The following FBXL13 variants were observed in gnomAD, a reference collection of about 807,000 sequenced individuals.
The protein encoded by FBXL13 is F-box and leucine-rich repeat protein 13.
A neutral mutation model predicts 83.6 loss-of-function variants in FBXL13; 67 were observed. The observed-to-expected ratio is 0.80, with a 90% CI of 0.66 to 0.98. The LOEUF (loss-of-function observed/expected upper bound fraction) is 0.98. Ranked by LOEUF, FBXL13 falls within the 50% of genes least tolerant of loss-of-function variation. The pLI is 0.00. For synonymous variants in FBXL13, 272 were observed against 299.5 expected, an observed-to-expected ratio of 0.91 and a Z score of 0.95; for missense variants, 822 against 866.5, an observed-to-expected ratio of 0.95 and a Z score of 0.64.
intron 17 of FBXL13, among the ~76,000 whole-genome samples, chr7:102,839,385 G>A (rs772896533): frequency 1.3e-5 from 2 of 152,186 alleles, no homozygotes; most frequent in Non-Finnish European, 1.5e-5. Flanking sequence ...TATGCTGAGC[G>A]CCAGTCCCCT....
At chr7:103,033,874 G>C (rs550117183) in intron 2 of FBXL13, among the ~76,000 whole-genome samples, 41 of 152,314 alleles carry the variant, frequency 2.7e-4, no homozygotes, top group African/African-American at 9.1e-4. Flanking sequence ...CAAGTGGTCT[G>C]TTTTGACAGG....
chr7:103,066,205 T>C (rs1315092946), intron 1 of FBXL13, among the ~76,000 whole-genome samples: 2 of 152,220 alleles, frequency 1.3e-5, no homozygotes, highest in African/African-American at 4.8e-5. Context: ...TAAAATTGCA[T>C]TGAATTTATA....
chr7:102,978,923 C>T (rs1239629270), intron 6 of FBXL13, among the ~76,000 whole-genome samples: 1 of 152,142 alleles, frequency 6.6e-6, no homozygotes, highest in African/African-American at 2.4e-5. Context: ...AAAACGATCT[C>T]AATACTTGAT....
At chr7:102,993,247 T>C (rs968616914) in intron 6 of FBXL13, among the ~76,000 whole-genome samples, 1 of 152,228 alleles carries the variant, frequency 6.6e-6, no homozygotes, top group Non-Finnish European at 1.5e-5. Context: ...GTTTTACAAG[T>C]AATTCTAAGT....
chr7:102,866,937 C>T (rs1027836140), intron 16 of FBXL13, among the ~76,000 whole-genome samples: 2 of 152,146 alleles, frequency 1.3e-5, no homozygotes, highest in African/African-American at 2.4e-5. Flanking sequence ...ATGGAACAGA[C>T]ACTAGAATAT....
At chr7:102,994,427 G>GAA (rs11404663) in intron 6 of FBXL13, among the ~76,000 whole-genome samples, 38 of 147,808 alleles carry the variant, frequency 2.6e-4, no homozygotes, top group East Asian at 2.4e-3. Context: ...TCTCCAAGAG[G>GAA]AAAAAAAAAA....
At chr7:102,958,478 T>C (rs561042483) in intron 8 of FBXL13, among the ~76,000 whole-genome samples, 144 of 151,296 alleles carry the variant, frequency 9.5e-4, no homozygotes, top group Admixed American at 3.0e-3. Flanking sequence ...GATACATGCA[T>C]ACCTATGTAA....
intron 7 of FBXL13, among the ~76,000 whole-genome samples, chr7:102,967,427 C>A (rs543967713): frequency 6.6e-6 from 1 of 152,308 alleles, no homozygotes; most frequent in East Asian, 1.9e-4. Flanking sequence ...CACCTGCCAC[C>A]ATGCCTAGCT....
intron 6 of FBXL13, among the ~76,000 whole-genome samples, chr7:102,972,073 G>A (rs1826758634): frequency 6.6e-6 from 1 of 151,486 alleles, no homozygotes; most frequent in Non-Finnish European, 1.5e-5. Flanking sequence ...TAGACTGAGA[G>A]TTTGCTTCCA....
exon 13 of FBXL13, chr7:102,883,643 T>C: frequency 1.2e-6 from 2 of 1,611,650 alleles, no homozygotes; most frequent in Non-Finnish European, 1.7e-6. Flanking sequence ...GGTGCACCAG[T>C]GAAAACCAGC....
intron 7 of FBXL13, among the ~76,000 whole-genome samples, chr7:102,966,318 A>T (rs1294551454): frequency 6.6e-6 from 1 of 152,210 alleles, no homozygotes; most frequent in Non-Finnish European, 1.5e-5. Flanking sequence ...ATGGGGCCTA[A>T]GAATTTGCAT....
chr7:103,055,215 T>A, intron 2 of FBXL13, 37 bp from the exon 3 acceptor site: 7 of 1,082,334 alleles, frequency 6.5e-6, no homozygotes, highest in Non-Finnish European at 8.6e-6. Context: ...AAAATTAATT[T>A]CATTAATTAG....
At chr7:103,021,474 T>C (rs1412101254) in intron 6 of FBXL13, among the ~76,000 whole-genome samples, 4 of 152,090 alleles carry the variant, frequency 2.6e-5, no homozygotes, top group African/African-American at 7.2e-5. Flanking sequence ...AAAGCCAAAA[T>C]TGACAAATGG....
chr7:102,960,334 A>G (rs1824982936), intron 8 of FBXL13, among the ~76,000 whole-genome samples: 1 of 152,132 alleles, frequency 6.6e-6, no homozygotes, highest in Non-Finnish European at 1.5e-5. Flanking sequence ...AAATTGTGGC[A>G]ATAATCAATA....
chr7:102,820,767 T>C (rs1798696742), intron 19 of FBXL13, among the ~76,000 whole-genome samples: 1 of 152,228 alleles, frequency 6.6e-6, no homozygotes, highest in East Asian at 1.9e-4. Flanking sequence ...ACTCCCATGA[T>C]AACTAACTCA....
downstream of FBXL13, among the ~76,000 whole-genome samples, chr7:102,813,003 C>T (rs138495850): frequency 3.8e-3 from 573 of 152,068 alleles, 5 homozygotes; most frequent in African/African-American, 0.014. Flanking sequence ...CCACCACACC[C>T]GGCTAATTTT....
chr7:103,026,353 C>A (rs1793918466), intron 5 of FBXL13, among the ~76,000 whole-genome samples: 1 of 151,894 alleles, frequency 6.6e-6, no homozygotes, highest in Non-Finnish European at 1.5e-5. Flanking sequence ...TAAGGGGGGA[C>A]TGGTCATGTA....
In FBXL13 at chr7:103,061,222, G is replaced by C. The variant is rs185272673; in HGVS notation, c.-104-5475C>G. Among the ~76,000 whole-genome samples, 3 of 151,474 alleles carry C rather than the reference G, an allele frequency of 2.0e-5. No individual in the cohort carries two copies. The East Asian group carries it at 5.8e-4, about 29-fold the overall frequency. ...TTTTTTGTTTTTTGTTAGACTTGAA[G>C]GTTTTTAAAGCAGACTGGACAGGAC... On this transcript the variant is annotated intron_variant, in intron 1 of 19. Transcript: ENST00000313221.
At chr7:103,024,136 AG>A (rs1227191463) in intron 6 of FBXL13, among the ~76,000 whole-genome samples, 1 of 6,928 alleles carries the variant, frequency 1.4e-4, no homozygotes, top group Non-Finnish European at 2.5e-4. Context: ...AAAGTTAAAA[AG>A]AGAGAGAGAG....
Sources: allele counts gnomAD v4.1 joint callset (sites outside exome capture counted in the v4.1 genomes callset), GRCh38; gene constraint gnomAD v4.1.1; transcripts MANE v1.5; gene names NCBI Gene and HGNC (gene_info 2026-07-23, HGNC 2026-07-21).